ACOXL: variants seen among roughly 807,000 people sequenced by gnomAD.
The protein encoded by ACOXL is acyl-CoA oxidase like.
In ACOXL, 70 loss-of-function variants were observed where a neutral mutation model predicts 71.9. The observed-to-expected ratio is 0.97, with a 90% CI of 0.80 to 1.19. The LOEUF (loss-of-function observed/expected upper bound fraction) is 1.19, where lower values mean the gene tolerates loss of function less well. Ranked by LOEUF, ACOXL falls within the 50% of genes most tolerant of loss-of-function variation. The pLI is 0.00. For missense variants in ACOXL, 703 were observed against 736.3 expected, an observed-to-expected ratio of 0.95 and a Z score of 0.52; for synonymous variants, 253 against 281.6, an observed-to-expected ratio of 0.90 and a Z score of 1.02.
intron 1 of ACOXL, among the ~76,000 whole-genome samples, chr2:110,758,572 A>C (rs920583751): frequency 6.6e-6 from 1 of 152,124 alleles, no homozygotes; most frequent in East Asian, 1.9e-4. Context: ...TGATTCTTCT[A>C]ACTTTTCTTC....
At chr2:111,034,719 A>G (rs1291555376) in intron 15 of ACOXL, among the ~76,000 whole-genome samples, 3 of 152,240 alleles carry the variant, frequency 2.0e-5, no homozygotes, top group African/African-American at 7.2e-5. Flanking sequence ...TGCACTAAAC[A>G]TAACACTAGC....
chr2:111,088,756 C>T (rs186739023), intron 16 of ACOXL, among the ~76,000 whole-genome samples: 197 of 152,130 alleles, frequency 1.3e-3, no homozygotes, highest in African/African-American at 4.6e-3. Context: ...TATACTCACA[C>T]ATATAGCCCT....
Position 111,025,658 on chromosome 2 carries a change from T to C in ACOXL, c.1282-5969T>C, listed in dbSNP as rs150335349. On this transcript the variant is annotated intron_variant, in intron 14 of 17. Transcript: ENST00000439055. ...TGTCCATCTGTTAAACTGGGTTTTG[T>C]TTTCCTGTGACTGAGCTGTAGATGT... Among the ~76,000 whole-genome samples, 662 of 152,326 alleles carry C rather than the reference T, an allele frequency of 4.3e-3. 4 individuals carry two copies. The highest frequency in any genetic ancestry group is 0.015 in the African/African-American group (629 of 41,566).
At chr2:111,035,555 C>T (rs944777497) in intron 15 of ACOXL, among the ~76,000 whole-genome samples, 3 of 152,152 alleles carry the variant, frequency 2.0e-5, no homozygotes, top group Admixed American at 6.5e-5. Context: ...TTCTCATTCT[C>T]GAAGCTTGTG....
chr2:110,942,740 A>T (rs968778062), intron 12 of ACOXL, among the ~76,000 whole-genome samples: 64 of 150,650 alleles, frequency 4.2e-4, no homozygotes, highest in African/African-American at 7.6e-4. Flanking sequence ...AAAAAAAAAA[A>T]GTTAGCTGGG....
At position 110,975,415 on chromosome 2, in the gene ACOXL, A is replaced by AGTGTGT. The variant is rs3059265; in HGVS notation, c.1060-11677_1060-11672dup. ...TACCGTCTATGCATATGTTTGTGTG[A>AGTGTGT]GTGTGTGTGTGTGTGTGTGTGCATG... On this transcript the variant is annotated intron_variant, in intron 12 of 17. Transcript: ENST00000439055. Among the ~76,000 whole-genome samples, 715 of 150,284 alleles carry AGTGTGT rather than the reference A, an allele frequency of 4.8e-3. 6 individuals are homozygous for AGTGTGT. The Middle Eastern group carries it at 0.062, about 13-fold the overall frequency.
chr2:111,068,434 G>A (rs1430130125), intron 16 of ACOXL, among the ~76,000 whole-genome samples: 2 of 152,192 alleles, frequency 1.3e-5, no homozygotes, highest in Admixed American at 1.3e-4. Context: ...AGGAAACCCA[G>A]GTGAGCCTTG....
rs188508250 is a variant in ACOXL at position 110,911,056 on chromosome 2, A to C, written c.905+2151A>C. ...GTCCTGAAATCAGGTGGTAGGTCTGACCTTACAGAAATAAAAAGGAATATA... is the reference window on the plus strand; with the variant it reads ...GTCCTGAAATCAGGTGGTAGGTCTGCCCTTACAGAAATAAAAAGGAATATA... On this transcript the variant is annotated intron_variant, in intron 11 of 17. Transcript: ENST00000439055. Among the ~76,000 whole-genome samples, 13 of 152,072 alleles carry C rather than the reference A, an allele frequency of 8.5e-5. No individual in the cohort carries two copies. The East Asian group carries it at 2.5e-3, about 29-fold the overall frequency.
At chr2:110,745,657 C>T (rs561713958) in intron 1 of ACOXL, among the ~76,000 whole-genome samples, 2 of 152,344 alleles carry the variant, frequency 1.3e-5, no homozygotes, top group South Asian at 4.1e-4. Flanking sequence ...TGACTTTGAT[C>T]TGAAGATCAG....
chr2:110,886,818 GCT>G, intron 10 of ACOXL: 1 of 1,551,012 alleles, frequency 6.4e-7, no homozygotes, highest in South Asian at 1.2e-5. Flanking sequence ...TTCAGCTCCA[GCT>G]GGTCTTTATT....
intron 17 of ACOXL, among the ~76,000 whole-genome samples, chr2:111,116,795 T>C (rs1405219338): frequency 6.7e-6 from 1 of 149,050 alleles, no homozygotes; most frequent in Non-Finnish European, 1.5e-5. Context: ...CTTATTAGTT[T>C]GGTAGCTTTT....
At chr2:111,004,697 A>G (rs1267156450) in intron 14 of ACOXL, among the ~76,000 whole-genome samples, 1 of 152,192 alleles carries the variant, frequency 6.6e-6, no homozygotes, top group African/African-American at 2.4e-5. Flanking sequence ...TCCAGGAACC[A>G]ATAGGAAAAG....
intron 9 of ACOXL, among the ~76,000 whole-genome samples, chr2:110,818,320 G>T (rs1215034162): frequency 6.6e-6 from 1 of 150,560 alleles, no homozygotes; most frequent in Non-Finnish European, 1.5e-5. Flanking sequence ...CTTGAACCCG[G>T]GAGGCAGAGG....
intron 17 of ACOXL, among the ~76,000 whole-genome samples, chr2:111,097,672 A>G (rs2068880896): frequency 6.6e-6 from 1 of 152,238 alleles, no homozygotes; most frequent in Non-Finnish European, 1.5e-5. Context: ...TTCCAGGGAC[A>G]CAGGAAGGAG....
chr2:110,884,010 A>G (rs1279604336), intron 10 of ACOXL, among the ~76,000 whole-genome samples: 1 of 152,214 alleles, frequency 6.6e-6, no homozygotes, highest in African/African-American at 2.4e-5. Context: ...GGTAATAGGC[A>G]CTGTAGAGGA....
chr2:110,821,421 C>T (rs576335838), intron 9 of ACOXL, among the ~76,000 whole-genome samples: 4 of 152,112 alleles, frequency 2.6e-5, no homozygotes, highest in Admixed American at 6.5e-5. Context: ...CTATATGCAG[C>T]GGGGCCCAGA....
At chr2:110,943,303 GAGAGAA>G (rs1239033751) in intron 12 of ACOXL, among the ~76,000 whole-genome samples, 5 of 150,540 alleles carry the variant, frequency 3.3e-5, no homozygotes, top group Admixed American at 1.3e-4. Context: ...GGAGAAAGAA[GAGAGAA>G]AGAGAAAAAG....
chr2:111,097,182 G>A (rs2068851239), intron 17 of ACOXL, among the ~76,000 whole-genome samples: 1 of 152,066 alleles, frequency 6.6e-6, no homozygotes, highest in African/African-American at 2.4e-5. Context: ...CTTTGAAGAT[G>A]TTTTCTGTAT....
intron 12 of ACOXL, among the ~76,000 whole-genome samples, chr2:110,941,494 T>A (rs1050045815): frequency 6.6e-6 from 1 of 152,204 alleles, no homozygotes; most frequent in African/African-American, 2.4e-5. Flanking sequence ...GAAAAAAAAT[T>A]ATTTCTGGGG....
Sources: gnomAD v4.1 joint callset for allele counts (sites outside exome capture counted in the v4.1 genomes callset) on GRCh38, gnomAD v4.1.1 for gene constraint, MANE v1.5 for transcripts, NCBI Gene and HGNC (gene_info 2026-07-23, HGNC 2026-07-21) for gene names.